Variants in MPI observed in about 807,000 individuals in gnomAD.
MPI encodes mannose phosphate isomerase, also known as mannose-6-phosphate isomerase.
In MPI, 33 loss-of-function variants were observed where a neutral mutation model predicts 40.1. The ratio of observed to expected loss-of-function variants is 0.82; its 90% CI spans 0.62 to 1.10. MPI has a LOEUF of 1.10. Ranked by LOEUF, MPI falls within the 50% of genes least tolerant of loss-of-function variation. The pLI is 0.00. For missense variants in MPI, 514 were observed against 524.1 expected, an observed-to-expected ratio of 0.98 and a Z score of 0.19; for synonymous variants, 187 against 207.4, an observed-to-expected ratio of 0.90 and a Z score of 0.85.
At position 74,902,097 on chromosome 15, in the gene MPI, TCTTGAAGGTCAAGC is replaced by T; in HGVS notation, c.*4370_*4383del. ...GGACAAAAGGACTCACTTTATGCTG[TCTTGAAGGTCAAGC>T]CTGCAAACCATCTTAGAGCTAGGAA... On this transcript the variant is annotated 3_prime_UTR_variant, in exon 8 of 8. Transcript: ENST00000352410. 1 of 398,692 alleles carries T rather than the reference TCTTGAAGGTCAAGC, an allele frequency of 2.5e-6. No homozygotes were observed. Among genetic ancestry groups the T allele is most frequent in the Non-Finnish European group, 4.4e-6 (1 of 226,070 alleles). 24.7% of individuals were successfully genotyped at this position (398,692 alleles called of 1,614,324 possible).
chr15:74,896,001 A>C (rs1363055231), intron 5 of MPI, 151 bp from the exon 6 acceptor site: 3 of 782,328 alleles, frequency 3.8e-6, no homozygotes, highest in Non-Finnish European at 6.5e-6. Flanking sequence ...CGACCCCCAA[A>C]GGGCTGGAGG....
rs2230479 is a variant in MPI, at chr15:74,897,788, C to T, written c.*58C>T. 17,279 of 1,521,918 alleles carry T rather than the reference C, an allele frequency of 0.011. 1,577 individuals are homozygous for T. The African/African-American group carries it at 0.21, about 18-fold the overall frequency. The allele number at this position is 1,521,918 out of a possible 1,614,324, so 94.3% of individuals were successfully genotyped here. ...CCACCCTAAATTCCAGCCAACCTCA[C>T]CTCCTCGGGCCCAGCTCAAGCCCCC... On this transcript the variant is annotated 3_prime_UTR_variant, in exon 8 of 8. Coordinates refer to ENST00000352410, the MANE Select transcript of MPI (RefSeq NM_002435.3).
rs2064711019 is a variant in MPI, at chr15:74,890,617, C to T, written c.107C>T (p.Pro36Leu). 1 of 1,614,014 alleles carries T rather than the reference C, an allele frequency of 6.2e-7. No homozygotes were observed. Among genetic ancestry groups the T allele is most frequent in the Admixed American group, 1.7e-5 (1 of 59,996 alleles). ...EVARLLASSD[P>L]LAQIAEDKPY... ...GCGCGGCTGTTGGCCAGCAGTGATC[C>T]ACTGGCCCAGATCGCAGAGGACAAG... Residue 36 changes from proline to leucine, a missense_variant, in exon 2 of 8, where the codon CCA becomes CTA. Transcript: ENST00000352410.
At chr15:74,894,169 T>TTCAAGCAATTCTGCA (rs2064781625) in intron 5 of MPI, among the ~76,000 whole-genome samples, 1 of 64,846 alleles carries the variant, frequency 1.5e-5, no homozygotes, top group Admixed American at 2.0e-4. Flanking sequence ...CTGCAGCCTC[T>TTCAAGCAATTCTGCA]GCCTCCCGGG....
intron 5 of MPI, 43 bp from the exon 6 acceptor site, chr15:74,896,109 G>T: frequency 6.2e-7 from 1 of 1,610,080 alleles, no homozygotes; most frequent in South Asian, 1.1e-5. Context: ...GAACAGCACT[G>T]AGTATCCCCC....
intron 5 of MPI, 104 bp downstream of exon 5, chr15:74,893,424 C>T: frequency 1.5e-6 from 2 of 1,345,732 alleles, no homozygotes; most frequent in Non-Finnish European, 2.1e-6. Flanking sequence ...CCAAGTGGAA[C>T]ACTAAAAGGG....
chr15:74,890,827 A>C, intron 2 of MPI, 173 bp downstream of exon 2: 2 of 861,568 alleles, frequency 2.3e-6, no homozygotes, highest in Non-Finnish European at 3.7e-6. Context: ...AGGTTTTGTC[A>C]TAATAGGCTG....
chr15:74,897,035 C>T lies in MPI; in HGVS notation c.869C>T (p.Ser290Leu), dbSNP rs1469654026. ...GACTGCGTGGAGTGCATGGCGTGTT[C>T]AGACAACACAGTTCGTGCTGGCCTG... ...KGDCVECMAC[S>L]DNTVRAGLTP... Residue 290 changes from serine (S) to leucine (L), a missense_variant, in exon 7 of 8, where the codon TCA becomes TTA. Transcript: ENST00000352410. 1.2e-6 allele frequency: 2 copies of T among 1,614,140 alleles called. No individual in the cohort carries two copies. The highest frequency in any genetic ancestry group is 1.7e-6 in the Non-Finnish European group (2 of 1,180,020).
intron 1 of MPI, 44 bp from the exon 2 acceptor site, chr15:74,890,483 G>A (rs769504469): frequency 6.2e-7 from 1 of 1,613,340 alleles, no homozygotes; most frequent in East Asian, 2.2e-5. Context: ...ACTAGGGTGG[G>A]GCCTGAGGAG....
At chr15:74,896,806 T>A in intron 6 of MPI, 1 of 660,260 alleles carries the variant, frequency 1.5e-6, no homozygotes, top group South Asian at 1.7e-5. Context: ...CCCCAGGGGT[T>A]AACATGACTC....
At chr15:74,894,042 G>C (rs1476223374) in intron 5 of MPI, among the ~76,000 whole-genome samples, 5 of 4,336 alleles carry the variant, frequency 1.2e-3, no homozygotes, top group Admixed American at 4.3e-3. Context: ...TCTGTTCAGT[G>C]TGTGTGTGTG....
At chr15:74,893,341 G>A (rs777150382) in intron 5 of MPI, 21 bp downstream of exon 5, 1 of 1,613,810 alleles carries the variant, frequency 6.2e-7, no homozygotes. Context: ...TTATATTCCT[G>A]GTTGGGTGCA....
chr15:74,893,145 T>C lies in MPI; in HGVS notation c.495T>C (p.Pro165=). The change falls in exon 5 of 8, where the codon CCT becomes CCC. Residue 165 remains proline (P), a synonymous_variant. Transcript: ENST00000352410. Reference sequence around the variant, plus strand: ...GGCCTTGCCTTCCTGTAGAGGTGCCTGAGTTTCAGTTCCTGATTGGAGATG... The same window carrying C: ...GGCCTTGCCTTCCTGTAGAGGTGCCCGAGTTTCAGTTCCTGATTGGAGATG... ...EEIVTFLKKV[P]EFQFLIGDEA... The C allele has an allele frequency of 1.2e-6, 2 of 1,613,974 alleles. No individual in the cohort carries two copies. The highest frequency in any genetic ancestry group is 1.7e-5 in the Admixed American group (1 of 60,026).
At chr15:74,890,342 A>T in intron 1 of MPI, 185 bp from the exon 2 acceptor site, 4 of 873,322 alleles carry the variant, frequency 4.6e-6, no homozygotes, top group South Asian at 3.1e-5. Context: ...CAAGGTCCTT[A>T]CTGCTGCCCA....
chr15:74,896,909 A>G, intron 6 of MPI, 102 bp from the exon 7 acceptor site: 5 of 1,073,884 alleles, frequency 4.7e-6, no homozygotes, highest in South Asian at 1.3e-5. Flanking sequence ...GGAAATTTTT[A>G]CCTAACTTGG....
intron 1 of MPI, 26 bp downstream of exon 1, chr15:74,890,115 G>T (rs756437892): frequency 1.9e-6 from 3 of 1,607,582 alleles, no homozygotes; most frequent in Non-Finnish European, 2.5e-6. Flanking sequence ...GGGTGTCGGC[G>T]AGTGTGTTCG....
Position 74,894,107 on chromosome 15 carries a change from T to TGTTCTGAGCCAG in MPI, c.670+788_670+789insTTCTGAGCCAGG, listed in dbSNP as rs1555478772. On this transcript the variant is annotated intron_variant, in intron 5 of 7. Coordinates refer to ENST00000352410, the MANE Select transcript of MPI (RefSeq NM_002435.3). ...GTGTGTGTGTGTGTGTGTGTGTGTG[T>TGTTCTGAGCCAG]GGTCTCTTTCTGTTGCCCCAGGCTG... Among the ~76,000 whole-genome samples the TGTTCTGAGCCAG allele has an allele frequency of 3.3e-5, 2 of 60,958 alleles. 1 individual carries two copies. The highest frequency in any genetic ancestry group is 9.3e-5 in the Non-Finnish European group (2 of 21,586). 40.0% of individuals were successfully genotyped at this position (60,958 alleles called of 152,430 possible). A position where few individuals can be genotyped will look rare whatever the true frequency, so the allele number is the denominator to read the frequency against.
chr15:74,892,677 TG>T lies in MPI; in HGVS notation c.363del (p.His122ThrfsTer37), dbSNP rs1192985805. 6.2e-7 allele frequency: 1 copy of T among 1,614,168 alleles called. No homozygotes were observed. Among genetic ancestry groups the T allele is most frequent in the South Asian group, 1.1e-5 (1 of 91,084 alleles). ...ACCCCACAGGAGCTGGCAGAGAAGC[TG>T]CACCTCCAGGCTCCGCAGCACTACC... ...AHPNKELAEK[L>X]HLQAPQHYPD... On this transcript the variant is annotated frameshift_variant, in exon 4 of 8. Transcript: ENST00000352410. LOFTEE classifies it high-confidence loss of function.
At chr15:74,896,863 T>C in intron 6 of MPI, 148 bp from the exon 7 acceptor site, 1 of 759,076 alleles carries the variant, frequency 1.3e-6, no homozygotes, top group Non-Finnish European at 2.3e-6. Flanking sequence ...TGGTATTTGA[T>C]ATCTTAACCC....
Sources: gnomAD v4.1 joint callset for allele counts (sites outside exome capture counted in the v4.1 genomes callset) on GRCh38, gnomAD v4.1.1 for gene constraint, MANE v1.5 for transcripts, NCBI Gene and HGNC (gene_info 2026-07-23, HGNC 2026-07-21) for gene names.